ARIH1: variants seen among roughly 807,000 people sequenced by gnomAD.
ARIH1 encodes E3 ubiquitin-protein ligase ARIH1.
Under a neutral mutation model 85.0 loss-of-function variants are expected in ARIH1, and 8 were observed. The observed-to-expected ratio is 0.09, with a 90% CI of 0.06 to 0.17. The LOEUF is 0.17. Among genes scored for constraint, ARIH1 ranks in the 10% least tolerant of loss-of-function variants. The probability of loss-of-function intolerance (pLI) is 1.00; values close to 1 mark genes in which losing one functional copy is unlikely to be tolerated. For missense variants in ARIH1, 311 were observed against 718.1 expected, an observed-to-expected ratio of 0.43 and a Z score of 6.48; for synonymous variants, 238 against 253.6, an observed-to-expected ratio of 0.94 and a Z score of 0.59.
chr15:72,554,393 CT>C (rs965379552), intron 3 of ARIH1, among the ~76,000 whole-genome samples: 15 of 151,456 alleles, frequency 9.9e-5, no homozygotes, highest in East Asian at 1.9e-4. Context: ...TTAATATTGG[CT>C]TTTTTTTTCC....
chr15:72,544,165 CTTTG>C (rs990530989), intron 2 of ARIH1, among the ~76,000 whole-genome samples: 1 of 151,928 alleles, frequency 6.6e-6, no homozygotes, highest in Non-Finnish European at 1.5e-5. Flanking sequence ...AGATACACTT[CTTTG>C]TTTTATTCCT....
At chr15:72,521,700 C>T (rs1303223329) in intron 2 of ARIH1, among the ~76,000 whole-genome samples, 3 of 152,038 alleles carry the variant, frequency 2.0e-5, no homozygotes, top group Admixed American at 6.6e-5. Flanking sequence ...AGGCACCCAC[C>T]ACCATGCCTG....
In ARIH1 at chr15:72,589,690, C is replaced by T. The variant is rs1454686370; in HGVS notation, c.*6398C>T. On this transcript the variant is annotated 3_prime_UTR_variant, in exon 14 of 14. Transcript: ENST00000379887. ...AGATCATAGTTCGCTGGGTTCACAT[C>T]ATGGAAATCGTCTTTGACAAAACTG... 6.6e-6 allele frequency: 1 copy of T among 152,196 alleles called. No individual in the cohort carries two copies. Among genetic ancestry groups the T allele is most frequent in the Non-Finnish European group, 1.5e-5 (1 of 68,030 alleles). The allele number at this position is 152,196 out of a possible 1,614,324, so 9.4% of individuals were successfully genotyped here.
In ARIH1 at chr15:72,599,158, G is replaced by C. The variant is rs2064373779; in HGVS notation, c.*15866G>C. 6.6e-6 allele frequency: 1 copy of C among 152,138 alleles called. No individual in the cohort carries two copies. The highest frequency in any genetic ancestry group is 1.5e-5 in the Non-Finnish European group (1 of 68,100). The allele number at this position is 152,138 out of a possible 1,614,324, so 9.4% of individuals were successfully genotyped here. A position where few individuals can be genotyped will look rare whatever the true frequency, so the allele number is the denominator to read the frequency against. Reference sequence around the variant, plus strand: ...GTGACTCAGCCTCCTGAGTAGCTGGGATTACAGGCGCCCGCCACCACACCC... The same window carrying C: ...GTGACTCAGCCTCCTGAGTAGCTGGCATTACAGGCGCCCGCCACCACACCC... On this transcript the variant is annotated 3_prime_UTR_variant, in exon 14 of 14. Coordinates refer to ENST00000379887, the MANE Select transcript of ARIH1 (RefSeq NM_005744.5).
At chr15:72,519,585 G>A (rs1281109425) in intron 2 of ARIH1, among the ~76,000 whole-genome samples, 1 of 147,690 alleles carries the variant, frequency 6.8e-6, no homozygotes, top group African/African-American at 2.5e-5. Context: ...CTGGGTTCAA[G>A]CGATTCTCCT....
intron 1 of ARIH1, among the ~76,000 whole-genome samples, chr15:72,476,469 A>G (rs2415139): frequency 0.73 from 111,399 of 152,196 alleles, 47,109 homozygotes; most frequent in Non-Finnish European, 0.93. Context: ...GGTTCATGCA[A>G]TTCTCCTGCC....
In ARIH1 at chr15:72,602,094, T is replaced by C. The variant is rs1338773477; in HGVS notation, c.*18802T>C. 6.6e-6 allele frequency: 1 copy of C among 152,226 alleles called. No individual in the cohort carries two copies. The highest frequency in any genetic ancestry group is 2.4e-5 in the African/African-American group (1 of 41,458). 9.4% of individuals were successfully genotyped at this position (152,226 alleles called of 1,614,324 possible). On this transcript the variant is annotated 3_prime_UTR_variant, in exon 14 of 14. Transcript: ENST00000379887. ...ATAATTTATTTAACCTCTATCTAGG[T>C]TGGTTTTAGGCATTGGTTATTACAA...
At chr15:72,555,732 G>A (rs142005464) in intron 4 of ARIH1, 120 bp from the exon 5 acceptor site, 18,734 of 792,116 alleles carry the variant, frequency 0.024, 352 homozygotes, top group Admixed American at 0.067. Context: ...AGGAGAAAGG[G>A]AAGGATTGAG....
At chr15:72,483,022 G>A (rs11855682) in intron 1 of ARIH1, among the ~76,000 whole-genome samples, 110,704 of 151,826 alleles carry the variant, frequency 0.73, 46,923 homozygotes, top group Non-Finnish European at 0.93. Flanking sequence ...TTTTGTTTTT[G>A]TGGGTTTTTT....
chr15:72,504,143 C>T (rs896776858), intron 1 of ARIH1, among the ~76,000 whole-genome samples: 74 of 152,224 alleles, frequency 4.9e-4, no homozygotes, highest in African/African-American at 1.7e-3. Flanking sequence ...CAACCTCTGC[C>T]TCCTGGGTTC....
chr15:72,560,736 A>C (rs1466374694), intron 5 of ARIH1, among the ~76,000 whole-genome samples: 12 of 152,206 alleles, frequency 7.9e-5, no homozygotes, highest in Non-Finnish European at 1.5e-5. Context: ...AGGCCTATGA[A>C]GCTCAAGAGT....
Position 72,544,964 on chromosome 15 carries a change from G to T in ARIH1, c.588G>T (p.Ser196=). 1 of 1,580,316 alleles carries T rather than the reference G, an allele frequency of 6.3e-7. No homozygotes were observed. Among genetic ancestry groups the T allele is most frequent in the Non-Finnish European group, 8.6e-7 (1 of 1,157,272 alleles). ...TCTGCTACTTGAACTACCCTAACTC[G>T]GTGAGTATCTGGTAGTTTAAGGCTA... ...CQICYLNYPN[S]YFTGLECGHK... is the part of the protein sequence containing the mutation. The change falls in exon 3 of 14, where the codon TCG becomes TCT. Residue 196 remains serine (S), a splice_region_variant and synonymous_variant. Coordinates refer to ENST00000379887, the MANE Select transcript of ARIH1 (RefSeq NM_005744.5).
At chr15:72,483,910 G>A (rs1320943728) in intron 1 of ARIH1, among the ~76,000 whole-genome samples, 6 of 151,594 alleles carry the variant, frequency 4.0e-5, no homozygotes, top group African/African-American at 9.7e-5. Context: ...GGTGGCTCAC[G>A]CCTGTAATCC....
intron 5 of ARIH1, 22 bp from the exon 6 acceptor site, chr15:72,561,461 C>CT: frequency 1.3e-6 from 2 of 1,526,334 alleles, no homozygotes; most frequent in South Asian, 2.3e-5. Context: ...ACTTTCTAAT[C>CT]TATTTTTATT....
chr15:72,503,960 A>G (rs574803327), intron 1 of ARIH1, among the ~76,000 whole-genome samples: 5 of 152,378 alleles, frequency 3.3e-5, no homozygotes, highest in African/African-American at 9.6e-5. Context: ...GTCTGTGGAC[A>G]GCGGTGTGTT....
At position 72,586,959 on chromosome 15, in the gene ARIH1, G is replaced by A. The variant is rs1432097262; in HGVS notation, c.*3667G>A. On this transcript the variant is annotated 3_prime_UTR_variant, in exon 14 of 14. Transcript: ENST00000379887. ...GCTGATACTGTTATATAGGGATGAAGGGAGAGTTTTCTTAAAGAAGGTCCC... is the reference window on the plus strand; with the variant it reads ...GCTGATACTGTTATATAGGGATGAAAGGAGAGTTTTCTTAAAGAAGGTCCC... 1 of 337,850 alleles carries A rather than the reference G, an allele frequency of 3.0e-6. No individual in the cohort carries two copies. Among genetic ancestry groups the A allele is most frequent in the Non-Finnish European group, 5.7e-6 (1 of 176,448 alleles). The allele number at this position is 337,850 out of a possible 1,614,324, so 20.9% of individuals were successfully genotyped here. A position where few individuals can be genotyped will look rare whatever the true frequency, so the allele number is the denominator to read the frequency against.
intron 9 of ARIH1, among the ~76,000 whole-genome samples, chr15:72,567,522 G>A (rs189258057): frequency 2.6e-5 from 4 of 152,160 alleles, no homozygotes; most frequent in African/African-American, 9.7e-5. Context: ...AGTTTACTCC[G>A]CCTAGCTTGG....
Position 72,600,192 on chromosome 15 carries a change from C to T in ARIH1, c.*16900C>T, listed in dbSNP as rs2140448754. On this transcript the variant is annotated 3_prime_UTR_variant, in exon 14 of 14. Coordinates refer to ENST00000379887, the MANE Select transcript of ARIH1 (RefSeq NM_005744.5). ...GAAAAGTTACCGATGCCTGATTCCT[C>T]TTCTATGTCCTCAGCCCCCACCATA... 6.6e-6 allele frequency: 1 copy of T among 152,302 alleles called. No homozygotes were observed. Among genetic ancestry groups the T allele is most frequent in the African/African-American group, 2.4e-5 (1 of 41,568 alleles). The allele number at this position is 152,302 out of a possible 1,614,324, so 9.4% of individuals were successfully genotyped here.
chr15:72,505,708 G>C (rs1435840396), intron 1 of ARIH1, among the ~76,000 whole-genome samples: 2 of 152,066 alleles, frequency 1.3e-5, no homozygotes, highest in Non-Finnish European at 2.9e-5. Context: ...ATTATGACCT[G>C]TTTCTCTTGC....
Sources: gnomAD v4.1 joint callset for allele counts (sites outside exome capture counted in the v4.1 genomes callset) on GRCh38, gnomAD v4.1.1 for gene constraint, MANE v1.5 for transcripts, NCBI Gene and HGNC (gene_info 2026-07-23, HGNC 2026-07-21) for gene names.